Variants in GALM observed in about 807,000 individuals in gnomAD.
GALM encodes aldose 1-epimerase.
In GALM, 43 loss-of-function variants were observed where a neutral mutation model predicts 37.4. The observed-to-expected ratio is 1.15, with a 90% confidence interval of 0.90 to 1.48. The LOEUF is 1.48. Among genes scored for constraint, GALM ranks in the 40% most tolerant of loss-of-function variants. The pLI is 0.00. For missense variants in GALM, 456 were observed against 419.1 expected, an observed-to-expected ratio of 1.09 and a Z score of -0.77; for synonymous variants, 199 against 170.6, an observed-to-expected ratio of 1.17 and a Z score of -1.30.
intron 4 of GALM, among the ~76,000 whole-genome samples, chr2:38,694,536 G>A (rs189914733): frequency 2.0e-5 from 3 of 152,272 alleles, no homozygotes; most frequent in African/African-American, 7.2e-5. Context: ...AAAAGGGAAG[G>A]AGGGAGAGGT....
Position 38,733,765 on chromosome 2 carries a change from A to ATTCCC in GALM, c.*202_*206dup. On this transcript the variant is annotated 3_prime_UTR_variant, in exon 7 of 7. Transcript: ENST00000272252. ...CAGGCCATGTCTAATGACCAGCTCG[A>ATTCCC]TTCCCTGTGCAGTTCAGAGGGCAAG... is the stretch of plus-strand genomic sequence containing the variant. 3 of 574,350 alleles carry ATTCCC rather than the reference A, an allele frequency of 5.2e-6. No individual in the cohort carries two copies. The highest frequency in any genetic ancestry group is 3.8e-4 in the Middle Eastern group (1 of 2,608). 35.6% of individuals were successfully genotyped at this position (574,350 alleles called of 1,614,324 possible).
chr2:38,718,788 T>C (rs113498623), intron 4 of GALM, among the ~76,000 whole-genome samples: 1 of 151,810 alleles, frequency 6.6e-6, no homozygotes, highest in Admixed American at 6.6e-5. Flanking sequence ...CAACGACTCT[T>C]ACAGCATCAT....
chr2:38,683,385 G>A (rs1168587864), intron 3 of GALM, among the ~76,000 whole-genome samples: 1 of 152,094 alleles, frequency 6.6e-6, no homozygotes, highest in Non-Finnish European at 1.5e-5. Context: ...CAAAATACTT[G>A]AGGCCAGAAA....
Position 38,733,826 on chromosome 2 carries a change from AC to A in GALM, c.*264del. On this transcript the variant is annotated 3_prime_UTR_variant, in exon 7 of 7. Coordinates refer to ENST00000272252, the MANE Select transcript of GALM (RefSeq NM_138801.3). ...CAACAATGTCGTCATCTAAGCCCTG[AC>A]CCTAGCCAGGGACTCCCATGCTGCT... 4.5e-6 allele frequency: 2 copies of A among 445,164 alleles called. No individual in the cohort carries two copies. Among genetic ancestry groups the A allele is most frequent in the South Asian group, 4.6e-5 (2 of 43,778 alleles). 27.6% of individuals were successfully genotyped at this position (445,164 alleles called of 1,614,324 possible).
intron 4 of GALM, among the ~76,000 whole-genome samples, chr2:38,723,087 A>G (rs996571354): frequency 2.0e-5 from 3 of 152,114 alleles, no homozygotes; most frequent in Admixed American, 2.0e-4. Context: ...TTTTCAATCA[A>G]CGAAAGGCTC....
intron 4 of GALM, among the ~76,000 whole-genome samples, chr2:38,718,974 A>T (rs2148453342): frequency 6.6e-6 from 1 of 152,052 alleles, no homozygotes; most frequent in East Asian, 2.0e-4. Context: ...CTTGGTCAGA[A>T]GTTCATAGAC....
rs115280129 is a variant in GALM at position 38,707,036 on chromosome 2, C to T, written c.634+17142C>T. On this transcript the variant is annotated intron_variant, in intron 4 of 6. Coordinates refer to ENST00000272252, the MANE Select transcript of GALM (RefSeq NM_138801.3). ...AAGCAGGAAGGCTGTGTGATGACCCCGGGACTCTAGAGCAGCTGCTGGGCA... is the reference window on the plus strand; with the variant it reads ...AAGCAGGAAGGCTGTGTGATGACCCTGGGACTCTAGAGCAGCTGCTGGGCA... Among the ~76,000 whole-genome samples, 1,455 of 145,656 alleles carry T rather than the reference C, an allele frequency of 1.0e-2. 24 individuals carry two copies. The highest frequency in any genetic ancestry group is 0.033 in the African/African-American group (1,272 of 38,844).
At chr2:38,693,451 C>G (rs1343057186) in intron 4 of GALM, among the ~76,000 whole-genome samples, 2 of 149,256 alleles carry the variant, frequency 1.3e-5, no homozygotes. Context: ...CCACTTTACT[C>G]CAGCCTGGGA....
chr2:38,714,720 C>T (rs1225666673), intron 4 of GALM, among the ~76,000 whole-genome samples: 1 of 152,098 alleles, frequency 6.6e-6, no homozygotes, highest in Non-Finnish European at 1.5e-5. Context: ...ATTTGATTTC[C>T]AATTTGTGAA....
intron 4 of GALM, among the ~76,000 whole-genome samples, chr2:38,718,408 A>G (rs1666312586): frequency 6.6e-6 from 1 of 151,562 alleles, no homozygotes; most frequent in African/African-American, 2.4e-5. Context: ...TATGTTAGCC[A>G]GCCTGGTCTC....
intron 4 of GALM, among the ~76,000 whole-genome samples, chr2:38,712,414 T>C (rs1666188960): frequency 6.6e-6 from 1 of 152,190 alleles, no homozygotes; most frequent in Admixed American, 6.5e-5. Context: ...ATATTTGTAT[T>C]TGGTTCCTGG....
intron 4 of GALM, among the ~76,000 whole-genome samples, chr2:38,719,462 T>G (rs544915625): frequency 0.011 from 837 of 76,892 alleles, 15 homozygotes; most frequent in African/African-American, 0.032. Context: ...AAATGAGACT[T>G]TGTCTCAAAA....
intron 4 of GALM, among the ~76,000 whole-genome samples, chr2:38,708,155 C>A (rs1666079162): frequency 1.6e-5 from 2 of 122,662 alleles, no homozygotes; most frequent in East Asian, 3.6e-4. Flanking sequence ...AATAAAAAAG[C>A]CTGGCATGGT....
chr2:38,688,119 G>A (rs745772412), intron 3 of GALM, among the ~76,000 whole-genome samples: 4 of 152,040 alleles, frequency 2.6e-5, no homozygotes, highest in Non-Finnish European at 4.4e-5. Context: ...GGCTGAAGCA[G>A]GAGAATTGCT....
chr2:38,701,961 T>C (rs1665930174), intron 4 of GALM, among the ~76,000 whole-genome samples: 1 of 152,200 alleles, frequency 6.6e-6, no homozygotes. Flanking sequence ...CCCACTGCCT[T>C]AATTAGTCAT....
At chr2:38,724,070 C>T (rs1388114386) in intron 4 of GALM, among the ~76,000 whole-genome samples, 1 of 152,116 alleles carries the variant, frequency 6.6e-6, no homozygotes, top group African/African-American at 2.4e-5. Flanking sequence ...AGGCACACAC[C>T]ACCATGCCCA....
intron 4 of GALM, among the ~76,000 whole-genome samples, chr2:38,707,884 G>A (rs1572532889): frequency 6.6e-6 from 1 of 152,012 alleles, no homozygotes; most frequent in Non-Finnish European, 1.5e-5. Flanking sequence ...GAGGTGGGTG[G>A]ATCACTTGAG....
intron 4 of GALM, among the ~76,000 whole-genome samples, chr2:38,722,030 T>TCCCTCC (rs1666386302): frequency 9.7e-5 from 4 of 41,386 alleles, no homozygotes; most frequent in Admixed American, 4.0e-4. Context: ...TGCCTTCCCT[T>TCCCTCC]CCCCCCCCCA....
chr2:38,686,276 C>CTTTCTTTCTTTCTTTCTTTCTTTCT (rs1294189123), intron 3 of GALM, among the ~76,000 whole-genome samples: 1 of 99,034 alleles, frequency 1.0e-5, no homozygotes, highest in African/African-American at 4.3e-5. Context: ...TTCTTTCTTT[C>CTTTCTTTCTTTCTTTCTTTCTTTCT]TTATTTTGAG....
Sources: gnomAD v4.1 joint callset for allele counts (sites outside exome capture counted in the v4.1 genomes callset) on GRCh38, gnomAD v4.1.1 for gene constraint, MANE v1.5 for transcripts, NCBI Gene and HGNC (gene_info 2026-07-23, HGNC 2026-07-21) for gene names.